The following KCNC1 variants were observed in gnomAD, a reference collection of about 807,000 sequenced individuals.
KCNC1 encodes voltage-gated potassium channel KCNC1.
KCNC1 carries 8 observed loss-of-function variants against 43.4 expected under a neutral mutation model. That is an observed-to-expected ratio of 0.18 (90% confidence interval 0.11 to 0.33). KCNC1 has a LOEUF of 0.33. Ranked by LOEUF, KCNC1 falls within the 10% of genes least tolerant of loss-of-function variation. KCNC1 has a pLI of 1.00. For missense variants in KCNC1, 420 were observed against 836.0 expected (o/e 0.50, Z 6.14); for synonymous variants, 361 against 360.5 (o/e 1.00, Z -0.01).
In KCNC1 at chr11:17,781,932, C is replaced by T; in HGVS notation, c.*198C>T. On this transcript the variant is annotated 3_prime_UTR_variant, in exon 4 of 4. Coordinates refer to ENST00000265969, the MANE Select transcript of KCNC1 (RefSeq NM_001112741.2). This position sits in a 1 kb window ranked among gnomAD's most constrained non-coding sequence, Gnocchi z 5.1. ...TGACCGTAGAGGATTTCTTTTCCTT[C>T]TTTTCATTTTTTAAAATTTTATTTT... is the stretch of plus-strand genomic sequence containing the variant. The T allele has an allele frequency of 2.3e-6, 1 of 438,010 alleles. No individual in the cohort carries two copies. The allele number at this position is 438,010 out of a possible 1,614,324, so 27.1% of individuals were successfully genotyped here.
At chr11:17,746,448 A>C (rs1157193837) in intron 1 of KCNC1, among the ~76,000 whole-genome samples, 1 of 152,090 alleles carries the variant, frequency 6.6e-6, no homozygotes, top group Non-Finnish European at 1.5e-5. Flanking sequence ...CCGACCCCCG[A>C]GTCTGACTTC....
At chr11:17,740,231 T>G (rs1848822748) in intron 1 of KCNC1, among the ~76,000 whole-genome samples, 2 of 152,246 alleles carry the variant, frequency 1.3e-5, no homozygotes, top group South Asian at 4.1e-4. Flanking sequence ...GGCATCAGCC[T>G]GAGGGGATGA....
intron 1 of KCNC1, among the ~76,000 whole-genome samples, chr11:17,770,438 C>T (rs1253180992): frequency 6.6e-6 from 1 of 152,198 alleles, no homozygotes. Flanking sequence ...GCCCATCCAC[C>T]CAGGGCAGGG....
intron 1 of KCNC1, among the ~76,000 whole-genome samples, chr11:17,743,743 C>T (rs1249577013): frequency 6.6e-6 from 1 of 152,246 alleles, no homozygotes; most frequent in Non-Finnish European, 1.5e-5. Flanking sequence ...CCTCCCTGGT[C>T]CTCATTGGCA....
At chr11:17,764,216 A>G (rs1849119876) in intron 1 of KCNC1, among the ~76,000 whole-genome samples, 1 of 142,388 alleles carries the variant, frequency 7.0e-6, no homozygotes. Flanking sequence ...ACACATACAC[A>G]CCACACATCA....
At position 17,772,276 on chromosome 11, in the gene KCNC1, C is replaced by G; in HGVS notation, c.1182C>G (p.Ala394=). Residue 394 remains alanine, a synonymous_variant, in exon 2 of 4, where the codon GCC becomes GCG. Coordinates refer to ENST00000265969, the MANE Select transcript of KCNC1 (RefSeq NM_001112741.2). The part of the protein sequence containing the change: ...FKNIPIGFWW[A]VVTMTTLGYG... ...ACATCCCCATCGGCTTCTGGTGGGC[C>G]GTGGTCACCATGACGACCCTGGGCT... is the stretch of plus-strand genomic sequence containing the variant. The G allele has an allele frequency of 6.2e-7, 1 of 1,614,162 alleles. No individual in the cohort carries two copies. The highest frequency in any genetic ancestry group is 1.1e-5 in the South Asian group (1 of 91,080).
At position 17,781,967 on chromosome 11, in the gene KCNC1, G is replaced by T. The variant is rs1422858142; in HGVS notation, c.*233G>T. ...TTTAAAATTTTATTTTATTTGGGGA[G>T]GGGGGGTGGAGGGGCTCCTTAGCAT... On this transcript the variant is annotated 3_prime_UTR_variant, in exon 4 of 4. Coordinates refer to ENST00000265969, the MANE Select transcript of KCNC1 (RefSeq NM_001112741.2). This position sits in a 1 kb window ranked among gnomAD's most constrained non-coding sequence, Gnocchi z 5.1. The T allele has an allele frequency of 4.5e-6, 2 of 445,710 alleles. No homozygotes were observed. Among genetic ancestry groups the T allele is most frequent in the East Asian group, 7.1e-5 (2 of 28,124 alleles). The allele number at this position is 445,710 out of a possible 1,614,324, so 27.6% of individuals were successfully genotyped here.
rs1849221665 is a variant in KCNC1, at chr11:17,771,151, G to C, written c.571-514G>C. 6.6e-6 allele frequency among the ~76,000 whole-genome samples: 1 copy of C among 152,200 alleles called. No individual in the cohort carries two copies. Among genetic ancestry groups the C allele is most frequent in the Non-Finnish European group, 1.5e-5 (1 of 68,036 alleles). ...CCCATGGAAAAGAGCAAAGAGCCTG[G>C]AGTTGGGAGAACAAATGGAGATCTG... On this transcript the variant is annotated intron_variant, in intron 1 of 3. Transcript: ENST00000265969. This position sits in a 1 kb window ranked among gnomAD's most constrained non-coding sequence, Gnocchi z 4.7.
At chr11:17,770,339 A>C (rs1479926070) in intron 1 of KCNC1, among the ~76,000 whole-genome samples, 1 of 152,178 alleles carries the variant, frequency 6.6e-6, no homozygotes, top group Non-Finnish European at 1.5e-5. Flanking sequence ...CTAGGCAGGG[A>C]GAAGGGGGAC....
At position 17,735,904 on chromosome 11, in the gene KCNC1, G is replaced by A. The variant is rs1848759550; in HGVS notation, c.-99G>A. The A allele has an allele frequency of 9.1e-6, 12 of 1,319,818 alleles. No homozygotes were observed. The highest frequency in any genetic ancestry group is 1.2e-5 in the Non-Finnish European group (12 of 1,020,856). 81.8% of individuals were successfully genotyped at this position (1,319,818 alleles called of 1,614,324 possible). On this transcript the variant is annotated 5_prime_UTR_variant, in exon 1 of 4. Transcript: ENST00000265969. The surrounding 1 kb of genome is among the most constrained non-coding windows in gnomAD (Gnocchi z 6.7). ...GTTCCCCCCGACGGCTGGGGGGAGG[G>A]GGGAAGAGGGCGCGCGCCCCCCTCC...
intron 1 of KCNC1, among the ~76,000 whole-genome samples, chr11:17,748,856 C>A (rs1848932349): frequency 6.6e-6 from 1 of 152,056 alleles, no homozygotes; most frequent in Non-Finnish European, 1.5e-5. Flanking sequence ...TAATGAGGGG[C>A]CTCTGGCCTC....
In KCNC1 at chr11:17,739,869, A is replaced by G. The variant is rs985239131; in HGVS notation, c.570+3297A>G. Among the ~76,000 whole-genome samples the G allele has an allele frequency of 6.6e-6, 1 of 151,834 alleles. No individual in the cohort carries two copies. Among genetic ancestry groups the G allele is most frequent in the African/African-American group, 2.4e-5 (1 of 41,302 alleles). On this transcript the variant is annotated intron_variant, in intron 1 of 3. Transcript: ENST00000265969. This position sits in a 1 kb window ranked among gnomAD's most constrained non-coding sequence, Gnocchi z 4.2. ...ACGTGTGTGTCAGTGTGCTGTGTGT[A>G]TGTGAGAGAGAGGTCCTGTGCATCC...
In KCNC1 at chr11:17,782,594, C is replaced by T. The variant is rs541459593; in HGVS notation, c.*860C>T. 4 of 152,288 alleles carry T rather than the reference C, an allele frequency of 2.6e-5. No individual in the cohort carries two copies. In the South Asian group the frequency reaches 8.3e-4, roughly 32 times the overall value. The allele number at this position is 152,288 out of a possible 1,614,324, so 9.4% of individuals were successfully genotyped here. On this transcript the variant is annotated 3_prime_UTR_variant, in exon 4 of 4. Coordinates refer to ENST00000265969, the MANE Select transcript of KCNC1 (RefSeq NM_001112741.2). ...GATGTAGAGCACCAAAAGATCAGGA[C>T]CACGGGAGGAGCAGCCTCCTCCACC...
Position 17,777,601 on chromosome 11 carries a change from C to A in KCNC1, c.1505-1855C>A. 1 of 985,910 alleles carries A rather than the reference C, an allele frequency of 1.0e-6. No homozygotes were observed. The highest frequency in any genetic ancestry group is 1.2e-6 in the Non-Finnish European group (1 of 829,966). The allele number at this position is 985,910 out of a possible 1,614,324, so 61.1% of individuals were successfully genotyped here. ...TGCCTGCAGACATGCCCCAAGACCC[C>A]AGAGACGCCCCGGCCCCAGTCACAT... On this transcript the variant is annotated intron_variant, in intron 2 of 3. Coordinates refer to ENST00000265969, the MANE Select transcript of KCNC1 (RefSeq NM_001112741.2). This position sits in a 1 kb window ranked among gnomAD's most constrained non-coding sequence, Gnocchi z 4.3.
In KCNC1 at chr11:17,736,603, G is replaced by T; in HGVS notation, c.570+31G>T. 1.4e-6 allele frequency: 2 copies of T among 1,464,328 alleles called. No individual in the cohort carries two copies. The highest frequency in any genetic ancestry group is 1.8e-6 in the Non-Finnish European group (2 of 1,114,372). The allele number at this position is 1,464,328 out of a possible 1,614,324, so 90.7% of individuals were successfully genotyped here. ...TGACAATTTACCCATCAGAAGAGCGGGGCGGGAAGGCAGCGTCCTGTGCCT... is the reference window on the plus strand; with the variant it reads ...TGACAATTTACCCATCAGAAGAGCGTGGCGGGAAGGCAGCGTCCTGTGCCT... On this transcript the variant is annotated intron_variant, in intron 1 of 3. Coordinates refer to ENST00000265969, the MANE Select transcript of KCNC1 (RefSeq NM_001112741.2). The surrounding 1 kb of genome is among the most constrained non-coding windows in gnomAD (Gnocchi z 9.3).
Position 17,773,099 on chromosome 11 carries a change from A to G in KCNC1, c.1504+501A>G. ...GATCTGGGCAGGAGGGTCCCTTGCA[A>G]AGGCAGGTGCAAGGGTTCTCACCCC... is the stretch of plus-strand genomic sequence containing the variant. On this transcript the variant is annotated intron_variant, in intron 2 of 3. Coordinates refer to ENST00000265969, the MANE Select transcript of KCNC1 (RefSeq NM_001112741.2). This position sits in a 1 kb window ranked among gnomAD's most constrained non-coding sequence, Gnocchi z 4.1. 1.0e-6 allele frequency: 1 copy of G among 992,644 alleles called. No individual in the cohort carries two copies. 61.5% of individuals were successfully genotyped at this position (992,644 alleles called of 1,614,324 possible).
At chr11:17,747,705 C>G (rs574007114) in intron 1 of KCNC1, among the ~76,000 whole-genome samples, 2 of 152,312 alleles carry the variant, frequency 1.3e-5, no homozygotes, top group South Asian at 2.1e-4. Context: ...GAACCAGCCT[C>G]GCTGGGTCAG....
At chr11:17,768,620 G>C (rs1396109339) in intron 1 of KCNC1, among the ~76,000 whole-genome samples, 3 of 151,892 alleles carry the variant, frequency 2.0e-5, no homozygotes, top group South Asian at 4.2e-4. Context: ...GGTGGGGGGG[G>C]GGGCGGTTTG....
chr11:17,753,124 AAC>A (rs1358523983), intron 1 of KCNC1, among the ~76,000 whole-genome samples: 3 of 152,188 alleles, frequency 2.0e-5, no homozygotes, highest in Non-Finnish European at 4.4e-5. Context: ...TCTTGTGGGT[AAC>A]ACAGGGATTC....
Sources: gnomAD v4.1 joint callset for allele counts (sites outside exome capture counted in the v4.1 genomes callset) on GRCh38, gnomAD v4.1.1 for gene constraint, Gnocchi (gnomAD v3.1) non-coding constraint, MANE v1.5 for transcripts, NCBI Gene and HGNC (gene_info 2026-07-23, HGNC 2026-07-21) for gene names.